The following GRID2 variants were observed in gnomAD, a reference collection of about 807,000 sequenced individuals.
The protein encoded by GRID2 is glutamate ionotropic receptor delta type subunit 2.
In GRID2, 33 loss-of-function variants were observed where a neutral mutation model predicts 114.8. That is an observed-to-expected ratio of 0.29 (90% CI 0.22 to 0.38). The LOEUF (loss-of-function observed/expected upper bound fraction) is 0.38, where lower values mean the gene tolerates loss of function less well. GRID2 is among the 10% of genes least tolerant of loss of function. The pLI is 1.00. For missense variants in GRID2, 1,184 were observed against 1,257.7 expected, an observed-to-expected ratio of 0.94 and a Z score of 0.89; for synonymous variants, 505 against 449.9, an observed-to-expected ratio of 1.12 and a Z score of -1.55.
rs995809760 is a variant in GRID2 at position 92,392,655 on chromosome 4, A to C, written c.88+87911A>C. On this transcript the variant is annotated intron_variant, in intron 1 of 15. Coordinates refer to ENST00000282020, the MANE Select transcript of GRID2 (RefSeq NM_001510.4). The stretch of plus-strand genomic sequence containing the variant: ...GTAAAGTATTTTCTTATTCAGTTAC[A>C]TTACTGAAGTAATTATGAAAATTAG... Among the ~76,000 whole-genome samples, 7 of 152,274 alleles carry C rather than the reference A, an allele frequency of 4.6e-5. No individual in the cohort carries two copies. The East Asian group carries it at 1.2e-3, about 25-fold the overall frequency.
intron 8 of GRID2, among the ~76,000 whole-genome samples, chr4:93,304,549 C>A (rs1755218652): frequency 6.6e-6 from 1 of 151,816 alleles, no homozygotes. Flanking sequence ...GTTGCTTTTG[C>A]AAAGAGAATC....
intron 1 of GRID2, among the ~76,000 whole-genome samples, chr4:92,314,866 A>G (rs541139124): frequency 6.6e-6 from 1 of 152,298 alleles, no homozygotes; most frequent in African/African-American, 2.4e-5. Flanking sequence ...ATTACAGGGC[A>G]AAGTTTATCA....
chr4:92,792,316 T>G (rs1195777837), intron 2 of GRID2, among the ~76,000 whole-genome samples: 1 of 151,790 alleles, frequency 6.6e-6, no homozygotes, highest in Non-Finnish European at 1.5e-5. Context: ...GGGAGGTACG[T>G]TGCAGTTAGC....
intron 2 of GRID2, among the ~76,000 whole-genome samples, chr4:93,045,986 T>C (rs1726101212): frequency 6.6e-6 from 1 of 152,032 alleles, no homozygotes; most frequent in Non-Finnish European, 1.5e-5. Flanking sequence ...CCCCAAAGTC[T>C]TTAAAAAAAT....
At chr4:93,255,291 T>A (rs1430889828) in intron 8 of GRID2, among the ~76,000 whole-genome samples, 6 of 152,134 alleles carry the variant, frequency 3.9e-5, no homozygotes. Flanking sequence ...GCCTAAGTTT[T>A]GTGGGTTGAA....
At chr4:92,998,794 G>C (rs1356383082) in intron 2 of GRID2, among the ~76,000 whole-genome samples, 1 of 150,422 alleles carries the variant, frequency 6.6e-6, no homozygotes, top group East Asian at 1.9e-4. Flanking sequence ...AAAATTTGAT[G>C]GCGTTTTATT....
chr4:92,652,278 A>T (rs1579770493), intron 2 of GRID2, among the ~76,000 whole-genome samples: 1 of 151,850 alleles, frequency 6.6e-6, no homozygotes, highest in Non-Finnish European at 1.5e-5. Flanking sequence ...CTATCCAGAA[A>T]CTCCCATATA....
At chr4:92,864,261 A>G (rs1744714254) in intron 2 of GRID2, among the ~76,000 whole-genome samples, 1 of 152,194 alleles carries the variant, frequency 6.6e-6, no homozygotes, top group Admixed American at 6.5e-5. Context: ...AAAACTTCTT[A>G]GTCACTTCCC....
intron 2 of GRID2, among the ~76,000 whole-genome samples, chr4:92,601,029 A>G (rs1159429523): frequency 2.6e-5 from 4 of 151,272 alleles, no homozygotes; most frequent in Admixed American, 2.6e-4. Flanking sequence ...CCCTCCCCCA[A>G]AGGGCTTAAC....
At chr4:93,558,254 A>G (rs1353630592) in intron 13 of GRID2, among the ~76,000 whole-genome samples, 1 of 152,218 alleles carries the variant, frequency 6.6e-6, no homozygotes, top group Non-Finnish European at 1.5e-5. Flanking sequence ...CAACTGAAGG[A>G]GAAAGAGACA....
At chr4:93,201,001 G>A (rs547943338) in intron 4 of GRID2, among the ~76,000 whole-genome samples, 1 of 152,074 alleles carries the variant, frequency 6.6e-6, no homozygotes, top group Non-Finnish European at 1.5e-5. Flanking sequence ...ATTCTATTGT[G>A]TGGGCACTAT....
chr4:92,372,821 AAATT>A (rs1054950854), intron 1 of GRID2, among the ~76,000 whole-genome samples: 1 of 152,150 alleles, frequency 6.6e-6, no homozygotes. Context: ...TATGATTTAG[AAATT>A]AATTGACTCT....
At chr4:93,128,027 C>CAAAAA (rs1008311457) in intron 4 of GRID2, among the ~76,000 whole-genome samples, 578 of 19,856 alleles carry the variant, frequency 0.029, 62 homozygotes, top group Non-Finnish European at 0.037. Context: ...TCCCCCGCAA[C>CAAAAA]AAAAAAAAAA....
At chr4:93,807,824 C>T (rs539756158) in exon 2 of GRID2, 1 of 152,326 alleles carries the variant, frequency 6.6e-6, no homozygotes, top group Admixed American at 6.5e-5. Context: ...CACTGTATTA[C>T]ATTTTGGGAA....
At chr4:92,958,307 G>A (rs932689277) in intron 2 of GRID2, among the ~76,000 whole-genome samples, 25 of 152,054 alleles carry the variant, frequency 1.6e-4, no homozygotes, top group African/African-American at 5.5e-4. Context: ...ATCAGTTTGA[G>A]CAAGTTCTAT....
At chr4:92,718,079 T>C (rs547355949) in intron 2 of GRID2, among the ~76,000 whole-genome samples, 2 of 152,138 alleles carry the variant, frequency 1.3e-5, no homozygotes, top group African/African-American at 4.8e-5. Flanking sequence ...TGTTACAGTA[T>C]GCATGGCAGT....
intron 2 of GRID2, among the ~76,000 whole-genome samples, chr4:93,042,661 A>ATC (rs757987396): frequency 8.4e-5 from 12 of 142,194 alleles, no homozygotes; most frequent in South Asian, 2.2e-4. Context: ...CTATATTTCT[A>ATC]TCTCTCTCTC....
intron 2 of GRID2, among the ~76,000 whole-genome samples, chr4:92,910,326 G>T (rs912423110): frequency 6.6e-6 from 1 of 152,066 alleles, no homozygotes; most frequent in Non-Finnish European, 1.5e-5. Flanking sequence ...CTGCTGAGCA[G>T]ATCTGAGGTG....
At chr4:92,666,670 T>TTTTTTTTTTTTTTTTC (rs368637464) in intron 2 of GRID2, among the ~76,000 whole-genome samples, 1 of 133,026 alleles carries the variant, frequency 7.5e-6, no homozygotes. Context: ...TTTTTTTTTT[T>TTTTTTTTTTTTTTTTC]CAGATCTTTT....
Sources: gnomAD v4.1 joint callset for allele counts (sites outside exome capture counted in the v4.1 genomes callset) on GRCh38, gnomAD v4.1.1 for gene constraint, MANE v1.5 for transcripts, NCBI Gene and HGNC (gene_info 2026-07-23, HGNC 2026-07-21) for gene names.